CSGALNACT1: variants seen among roughly 807,000 people sequenced by gnomAD.
CSGALNACT1 encodes the protein beta4GalNAcT-1.
A neutral mutation model predicts 51.0 loss-of-function variants in CSGALNACT1; 52 were observed. That is an observed-to-expected ratio of 1.02 (90% confidence interval 0.82 to 1.29). The LOEUF is 1.29. CSGALNACT1 is among the 50% of genes most tolerant of loss of function. The pLI is 0.00. For synonymous variants in CSGALNACT1, 341 were observed against 254.4 expected (o/e 1.34, Z -3.24); for missense variants, 935 against 679.2 (o/e 1.38, Z -4.19).
chr8:19,512,463 T>C (rs566201191), intron 3 of CSGALNACT1, among the ~76,000 whole-genome samples: 1 of 152,340 alleles, frequency 6.6e-6, no homozygotes, highest in South Asian at 2.1e-4. Flanking sequence ...TGGAATAATT[T>C]ATTACATTCC....
intron 4 of CSGALNACT1, among the ~76,000 whole-genome samples, chr8:19,460,200 G>C (rs1181495542): frequency 6.6e-6 from 1 of 152,110 alleles, no homozygotes; most frequent in East Asian, 1.9e-4. Flanking sequence ...TTCACTTTCT[G>C]CCATTTCAGT....
intron 4 of CSGALNACT1, among the ~76,000 whole-genome samples, chr8:19,472,378 T>C (rs139026937): frequency 4.3e-4 from 66 of 152,342 alleles, no homozygotes; most frequent in East Asian, 1.5e-3. Flanking sequence ...TGGCCAACCA[T>C]TGACCTCGTC....
At chr8:19,432,182 C>G (rs1395646668) in intron 6 of CSGALNACT1, among the ~76,000 whole-genome samples, 1 of 152,202 alleles carries the variant, frequency 6.6e-6, no homozygotes, top group Non-Finnish European at 1.5e-5. Context: ...ATTTGTTTAT[C>G]TGGGAATGTC....
intron 1 of CSGALNACT1, among the ~76,000 whole-genome samples, chr8:19,756,487 G>C (rs2065383712): frequency 1.3e-5 from 2 of 152,110 alleles, no homozygotes; most frequent in African/African-American, 4.8e-5. Flanking sequence ...CAAAATCTCT[G>C]ACAGGAATGC....
chr8:19,477,623 C>T (rs978973350), intron 4 of CSGALNACT1, among the ~76,000 whole-genome samples: 1 of 152,180 alleles, frequency 6.6e-6, no homozygotes, highest in Non-Finnish European at 1.5e-5. Context: ...AAATGGTCTT[C>T]ATATCCCAAT....
rs534617519 is a variant in CSGALNACT1, at chr8:19,460,408, A to G, written c.635-1766T>C. Among the ~76,000 whole-genome samples, 15 of 152,300 alleles carry G rather than the reference A, an allele frequency of 9.8e-5. No individual in the cohort carries two copies. In the East Asian group the frequency reaches 2.1e-3, roughly 22 times the overall value. On this transcript the variant is annotated intron_variant, in intron 4 of 9. Transcript: ENST00000454498. Reference sequence around the variant, plus strand: ...TAAACATTATCCCAGGTATGTATGTATGGGGAAAAACATACAATAGCTAGG... The same window carrying G: ...TAAACATTATCCCAGGTATGTATGTGTGGGGAAAAACATACAATAGCTAGG...
chr8:19,740,595 A>AT (rs2064252711), intron 1 of CSGALNACT1, among the ~76,000 whole-genome samples: 1 of 152,158 alleles, frequency 6.6e-6, no homozygotes, highest in Non-Finnish European at 1.5e-5. Flanking sequence ...CTTGCAACTT[A>AT]TTTTAGTAAC....
intron 1 of CSGALNACT1, among the ~76,000 whole-genome samples, chr8:19,666,789 AAGAAAGAAAGAAAGAAAGAAAGAG>A (rs1316205560): frequency 0.024 from 524 of 21,510 alleles, 20 homozygotes; most frequent in African/African-American, 0.083. Flanking sequence ...GAAAGAAAGA[AAGAAAGAAAGAAAGAAAGAAAGAG>A]AGAGAGAGAG....
chr8:19,418,169 T>C (rs79598094), intron 8 of CSGALNACT1, among the ~76,000 whole-genome samples: 2,018 of 152,240 alleles, frequency 0.013, 45 homozygotes, highest in African/African-American at 0.046. Flanking sequence ...AACGGTGGCA[T>C]GACGGGAAGG....
rs397973082 is a variant in CSGALNACT1, at chr8:19,658,062, C to CAAAA, written c.-544+24407_-544+24410dup. On this transcript the variant is annotated intron_variant, in intron 1 of 9. Coordinates refer to the CSGALNACT1 transcript ENST00000332246. ...TATGTGTGCCCTCTCACCCTCCTTC[C>CAAAA]AAAAAAAAAAAAAAAAAAAAAAGTC... Among the ~76,000 whole-genome samples the CAAAA allele has an allele frequency of 4.3e-3, 369 of 86,544 alleles. 8 individuals are homozygous for CAAAA. Among genetic ancestry groups the CAAAA allele is most frequent in the East Asian group, 0.029 (77 of 2,686 alleles). The allele number at this position is 86,544 out of a possible 152,430, so 56.8% of individuals were successfully genotyped here.
At chr8:19,540,552 G>C (rs1274216198) in intron 3 of CSGALNACT1, among the ~76,000 whole-genome samples, 2 of 152,196 alleles carry the variant, frequency 1.3e-5, no homozygotes, top group Non-Finnish European at 2.9e-5. Context: ...GTATCAGTAA[G>C]AGACTGGAAG....
At chr8:19,728,184 T>C (rs777164844) in intron 1 of CSGALNACT1, among the ~76,000 whole-genome samples, 4 of 152,126 alleles carry the variant, frequency 2.6e-5, no homozygotes, top group African/African-American at 7.2e-5. Context: ...CGTAGGGTTG[T>C]TATGAGGATT....
chr8:19,469,541 G>T (rs2067600148), intron 4 of CSGALNACT1, among the ~76,000 whole-genome samples: 2 of 152,212 alleles, frequency 1.3e-5, no homozygotes, highest in South Asian at 4.1e-4. Flanking sequence ...AGGGGCAGCA[G>T]TGAGTTGAGT....
intron 3 of CSGALNACT1, among the ~76,000 whole-genome samples, chr8:19,586,332 C>A (rs2046631322): frequency 6.6e-6 from 1 of 151,430 alleles, no homozygotes; most frequent in Non-Finnish European, 1.5e-5. Flanking sequence ...GCACTCCAGC[C>A]TGGGCAACAG....
chr8:19,587,323 G>A (rs1201991966), intron 3 of CSGALNACT1, among the ~76,000 whole-genome samples: 2 of 152,188 alleles, frequency 1.3e-5, no homozygotes, highest in African/African-American at 2.4e-5. Context: ...CTGGTAGTGA[G>A]CTGTAAGCAA....
exon 10 of CSGALNACT1, chr8:19,405,127 A>G (rs1450124059): frequency 4.4e-6 from 2 of 453,026 alleles, no homozygotes; most frequent in Admixed American, 2.4e-5. Context: ...TAAGCAGACT[A>G]TAACTCACAA....
At chr8:19,595,337 G>T (rs890901701) in intron 2 of CSGALNACT1, among the ~76,000 whole-genome samples, 1 of 152,110 alleles carries the variant, frequency 6.6e-6, no homozygotes, top group African/African-American at 2.4e-5. Flanking sequence ...CCAGAGACTG[G>T]ATTCCAATCC....
At chr8:19,552,163 A>G in intron 3 of CSGALNACT1, among the ~76,000 whole-genome samples, 1 of 151,972 alleles carries the variant, frequency 6.6e-6, no homozygotes, top group East Asian at 2.0e-4. Flanking sequence ...TACCATGAAA[A>G]GAAGACTAAT....
chr8:19,611,069 G>C (rs947289168), intron 1 of CSGALNACT1, among the ~76,000 whole-genome samples: 3 of 152,212 alleles, frequency 2.0e-5, no homozygotes, highest in African/African-American at 7.2e-5. Flanking sequence ...GGGGACAAGA[G>C]AACTTTTCCC....
Sources: allele counts gnomAD v4.1 joint callset (sites outside exome capture counted in the v4.1 genomes callset), GRCh38; gene constraint gnomAD v4.1.1; transcripts MANE v1.5; gene names NCBI Gene and HGNC (gene_info 2026-07-23, HGNC 2026-07-21).